The following PADI6 variants were observed in gnomAD, a reference collection of about 807,000 sequenced individuals.
PADI6 encodes peptidyl arginine deiminase 6.
Under a neutral mutation model 78.2 loss-of-function variants are expected in PADI6, and 66 were observed. The ratio of observed to expected loss-of-function variants is 0.84; its 90% CI spans 0.69 to 1.04. PADI6 has a LOEUF of 1.04. Among genes scored for constraint, PADI6 ranks in the 50% least tolerant of loss-of-function variants. The pLI is 0.00. For synonymous variants in PADI6, 397 were observed against 346.9 expected (o/e 1.14, Z -1.60); for missense variants, 854 against 866.1 (o/e 0.99, Z 0.18).
In PADI6 at chr1:17,395,608, C is replaced by T. The variant is rs765633712; in HGVS notation, c.1563C>T (p.Gly521=). Residue 521 remains glycine (G), a synonymous_variant, in exon 13 of 16, where the codon GGC becomes GGT. Transcript: ENST00000619609. ...YKLFREKQKE[G]YGDALLFDEL... ...TGTTCCGAGAGAAACAGAAGGAAGG[C>T]TATGGCGACGCTCTTCTGTTTGATG... 3.7e-6 allele frequency: 6 copies of T among 1,604,928 alleles called. No individual in the cohort carries two copies. Among genetic ancestry groups the T allele is most frequent in the Non-Finnish European group, 2.6e-6 (3 of 1,175,564 alleles).
intron 12 of PADI6, 136 bp from the exon 13 acceptor site, chr1:17,395,404 A>G: frequency 1.7e-6 from 2 of 1,155,002 alleles, no homozygotes; most frequent in Non-Finnish European, 2.4e-6. Flanking sequence ...GAATTTCACC[A>G]TGTTGGCCAG....
chr1:17,379,277 C>T (rs12023647), intron 3 of PADI6, among the ~76,000 whole-genome samples: 2 of 149,394 alleles, frequency 1.3e-5, no homozygotes, highest in Non-Finnish European at 2.9e-5. Flanking sequence ...CCTCGCCCGG[C>T]TAATTTTTTT....
At position 17,379,911 on chromosome 1, in the gene PADI6, C is replaced by G; in HGVS notation, c.368-9C>G. On this transcript the variant is annotated splice_polypyrimidine_tract_variant and intron_variant, in intron 3 of 15. Coordinates refer to ENST00000619609, the MANE Select transcript of PADI6 (RefSeq NM_207421.4). ...AAGGTGGCTGGGACACCCTTTTCTT[C>G]TGTTTCAGAGGTCTCTCTAGAGGTA... 6.2e-7 allele frequency: 1 copy of G among 1,612,788 alleles called. No homozygotes were observed. The highest frequency in any genetic ancestry group is 1.1e-5 in the South Asian group (1 of 90,958).
chr1:17,388,035 T>C (rs1175628722), intron 6 of PADI6, among the ~76,000 whole-genome samples: 2 of 152,186 alleles, frequency 1.3e-5, no homozygotes, highest in African/African-American at 4.8e-5. Context: ...GACTCTGATA[T>C]TATCGCAGGA....
intron 6 of PADI6, among the ~76,000 whole-genome samples, chr1:17,386,118 G>A (rs1535877): frequency 0.66 from 100,320 of 151,728 alleles, 33,344 homozygotes; most frequent in African/African-American, 0.72. Flanking sequence ...TGAGGGCAGG[G>A]AGGGCCTTCC....
At chr1:17,377,040 AT>A (rs982772691) in intron 3 of PADI6, among the ~76,000 whole-genome samples, 1 of 152,100 alleles carries the variant, frequency 6.6e-6, no homozygotes, top group Admixed American at 6.5e-5. Flanking sequence ...TACTTGGTTA[AT>A]TTTTTATACA....
chr1:17,379,346 C>A (rs1027109716), intron 3 of PADI6, among the ~76,000 whole-genome samples: 6 of 144,248 alleles, frequency 4.2e-5, no homozygotes, highest in Non-Finnish European at 7.4e-5. Flanking sequence ...GATCTCCTGA[C>A]CTCGTGATCC....
chr1:17,398,439 G>A (rs1305513317), intron 14 of PADI6, among the ~76,000 whole-genome samples: 1 of 152,174 alleles, frequency 6.6e-6, no homozygotes. Context: ...GCCAGACGCT[G>A]TCTAGCCATG....
intron 6 of PADI6, among the ~76,000 whole-genome samples, chr1:17,384,895 C>T (rs560449457): frequency 2.0e-5 from 3 of 152,258 alleles, no homozygotes; most frequent in East Asian, 1.9e-4. Context: ...ATTCTCTCTC[C>T]GTAAAGGGAG....
intron 1 of PADI6, 135 bp downstream of exon 1, chr1:17,372,496 C>G: frequency 1.2e-6 from 1 of 826,968 alleles, no homozygotes; most frequent in Non-Finnish European, 2.0e-6. Context: ...AGCCTTGGGT[C>G]TCTAGTGGGG....
chr1:17,392,035 CCT>C, intron 8 of PADI6, 77 bp from the exon 9 acceptor site: 1 of 1,209,662 alleles, frequency 8.3e-7, no homozygotes, highest in Non-Finnish European at 1.2e-6. Context: ...ATGTGTTCTT[CCT>C]CTCTTGGCAC....
At chr1:17,396,379 C>T (rs77461166) in intron 13 of PADI6, among the ~76,000 whole-genome samples, 4,071 of 152,186 alleles carry the variant, frequency 0.027, 80 homozygotes, top group Middle Eastern at 0.061. Flanking sequence ...GAGCAAGACT[C>T]CATCTCAAAA....
In PADI6 at chr1:17,395,199, GTTTTTTT is replaced by G. The variant is rs35197313; in HGVS notation, c.1494+101_1494+107del. 5.6e-6 allele frequency: 7 copies of G among 1,259,466 alleles called. No homozygotes were observed. In the Admixed American group the frequency reaches 1.3e-4, roughly 23 times the overall value. The allele number at this position is 1,259,466 out of a possible 1,614,324, so 78.0% of individuals were successfully genotyped here. A position where few individuals can be genotyped will look rare whatever the true frequency, so the allele number is the denominator to read the frequency against. On this transcript the variant is annotated intron_variant, in intron 12 of 15. Coordinates refer to ENST00000619609, the MANE Select transcript of PADI6 (RefSeq NM_207421.4). ...CTGGAGAGAAAACTGGCTTTTTCTT[GTTTTTTT>G]TTTTTTTTGTTTGTTTTTTGAGAGT...
At chr1:17,398,977 ACCCCTTCTC>A in intron 15 of PADI6, 130 bp downstream of exon 15, 8 of 1,027,830 alleles carry the variant, frequency 7.8e-6, no homozygotes, top group South Asian at 1.7e-5. Context: ...TGGGAGGGAG[ACCCCTTCTC>A]CCCCATCTCG....
intron 3 of PADI6, among the ~76,000 whole-genome samples, chr1:17,379,588 G>A (rs1421624909): frequency 2.6e-5 from 4 of 152,148 alleles, no homozygotes; most frequent in Non-Finnish European, 5.9e-5. Context: ...GGAGCATAAA[G>A]CTTTCCAGAA....
rs1164665342 is a variant in PADI6, at chr1:17,397,124, C to T, written c.1672C>T (p.Gln558Ter). The change falls in exon 14 of 16, where the codon CAG becomes TAG. Residue 558 changes from glutamine to a stop codon, truncating the protein, a stop_gained. Transcript: ENST00000619609. LOFTEE classifies it high-confidence loss of function. The stretch of plus-strand genomic sequence containing the variant: ...TCTGGCTGATGAAAGCCTGAAGAAG[C>T]AGAATGAATACGTGGAGGTAGGACC... ...QLLADESLKK[Q>*]NEYVEKCIHL... The T allele has an allele frequency of 2.5e-6, 4 of 1,613,878 alleles. No homozygotes were observed. Among genetic ancestry groups the T allele is most frequent in the Non-Finnish European group, 2.5e-6 (3 of 1,179,824 alleles).
chr1:17,373,646 C>T (rs188116581), intron 2 of PADI6, among the ~76,000 whole-genome samples: 73 of 152,200 alleles, frequency 4.8e-4, no homozygotes, highest in Admixed American at 2.1e-3. Context: ...CACCCACCAC[C>T]ATGCCCGGCT....
Position 17,398,682 on chromosome 1 carries a change from A to ACCCCCCCCCCCCCCC in PADI6, c.1690-3_1690-2insCCCCCCCCCCCCCCC. ...CCCCCCCCCACCCACCCACCCACCC[A>ACCCCCCCCCCCCCCC]CAGAAGTGCATTCACCTGAACCGTG... On this transcript the variant is annotated splice_polypyrimidine_tract_variant and splice_region_variant and intron_variant, in intron 14 of 15. Coordinates refer to ENST00000619609, the MANE Select transcript of PADI6 (RefSeq NM_207421.4). 1.7e-5 allele frequency: 2 copies of ACCCCCCCCCCCCCCC among 114,340 alleles called. No homozygotes were observed. The highest frequency in any genetic ancestry group is 1.5e-4 in the South Asian group (1 of 6,646). The allele number at this position is 114,340 out of a possible 1,614,324, so 7.1% of individuals were successfully genotyped here.
In PADI6 at chr1:17,375,412, A is replaced by C; in HGVS notation, c.295-15A>C. 4.4e-6 allele frequency: 7 copies of C among 1,607,968 alleles called. No homozygotes were observed. The highest frequency in any genetic ancestry group is 5.9e-6 in the Non-Finnish European group (7 of 1,176,956). On this transcript the variant is annotated splice_polypyrimidine_tract_variant and intron_variant, in intron 2 of 15. Coordinates refer to ENST00000619609, the MANE Select transcript of PADI6 (RefSeq NM_207421.4). ...GTCCAACACTGCCTATGGTTTCGGG[A>C]TGCTGTCTCCACAGGTCTCGGTCAC...
Sources: allele counts gnomAD v4.1 joint callset (sites outside exome capture counted in the v4.1 genomes callset), GRCh38; gene constraint gnomAD v4.1.1; transcripts MANE v1.5; gene names NCBI Gene and HGNC (gene_info 2026-07-23, HGNC 2026-07-21).